Variants in CADPS2 observed in about 807,000 individuals in gnomAD.
CADPS2 encodes calcium-dependent secretion activator 2.
Under a neutral mutation model 172.5 loss-of-function variants are expected in CADPS2, and 93 were observed. The ratio of observed to expected loss-of-function variants is 0.54; its 90% CI spans 0.46 to 0.64. The LOEUF is 0.64. Among genes scored for constraint, CADPS2 ranks in the 30% least tolerant of loss-of-function variants. The probability of loss-of-function intolerance (pLI) is 0.00; values close to 1 mark genes in which losing one functional copy is unlikely to be tolerated. For synonymous variants in CADPS2, 546 were observed against 555.2 expected, an observed-to-expected ratio of 0.98 and a Z score of 0.23; for missense variants, 1,420 against 1,565.9, an observed-to-expected ratio of 0.91 and a Z score of 1.57.
chr7:122,720,629 T>C (rs1489305283), intron 2 of CADPS2, among the ~76,000 whole-genome samples: 1 of 151,728 alleles, frequency 6.6e-6, no homozygotes, highest in Non-Finnish European at 1.5e-5. Context: ...TATATGTACG[T>C]ATGTGTATAC....
intron 1 of CADPS2, among the ~76,000 whole-genome samples, chr7:122,783,072 C>T (rs974997299): frequency 6.6e-6 from 1 of 151,138 alleles, no homozygotes; most frequent in Non-Finnish European, 1.5e-5. Context: ...ATTAGCCGGG[C>T]GTGGTGGTGG....
chr7:122,402,403 C>T (rs993387556), intron 20 of CADPS2, among the ~76,000 whole-genome samples: 1 of 152,152 alleles, frequency 6.6e-6, no homozygotes, highest in Non-Finnish European at 1.5e-5. Context: ...TGCTGTCAAG[C>T]CCCCCGCCCG....
At chr7:122,650,836 A>C (rs1297195833) in intron 3 of CADPS2, among the ~76,000 whole-genome samples, 1 of 152,174 alleles carries the variant, frequency 6.6e-6, no homozygotes, top group African/African-American at 2.4e-5. Context: ...ATTTTAGTAA[A>C]ATTAAATCCA....
At chr7:122,516,416 T>A (rs182205230) in intron 8 of CADPS2, among the ~76,000 whole-genome samples, 2 of 152,214 alleles carry the variant, frequency 1.3e-5, no homozygotes, top group East Asian at 3.9e-4. Context: ...TACACACTTG[T>A]CTTTGCTACT....
intron 2 of CADPS2, among the ~76,000 whole-genome samples, chr7:122,667,483 GATGTA>G (rs1188144910): frequency 3.9e-5 from 6 of 152,124 alleles, no homozygotes; most frequent in East Asian, 1.9e-4. Context: ...AATCCAATTA[GATGTA>G]ATGTAATCAA....
At chr7:122,710,886 A>G (rs2088591900) in intron 2 of CADPS2, among the ~76,000 whole-genome samples, 1 of 152,076 alleles carries the variant, frequency 6.6e-6, no homozygotes, top group East Asian at 1.9e-4. Flanking sequence ...TATCTGATTC[A>G]TTTTTTAAAA....
chr7:122,841,797 G>C (rs117499731), intron 1 of CADPS2, among the ~76,000 whole-genome samples: 1 of 152,110 alleles, frequency 6.6e-6, no homozygotes, highest in Non-Finnish European at 1.5e-5. Flanking sequence ...ATCAGCCTGA[G>C]TCAATACAAT....
chr7:122,703,516 C>T (rs1431255513), intron 2 of CADPS2, among the ~76,000 whole-genome samples: 3 of 152,114 alleles, frequency 2.0e-5, no homozygotes, highest in African/African-American at 2.4e-5. Context: ...TAGCCTAATA[C>T]AGTCCCATCT....
intron 17 of CADPS2, among the ~76,000 whole-genome samples, chr7:122,433,988 T>C (rs1430558285): frequency 6.6e-6 from 1 of 152,132 alleles, no homozygotes; most frequent in East Asian, 1.9e-4. Context: ...AGGTTAAGGA[T>C]CACCTAAGTC....
intron 2 of CADPS2, among the ~76,000 whole-genome samples, chr7:122,726,363 C>T (rs1374674117): frequency 1.3e-5 from 2 of 151,924 alleles, no homozygotes; most frequent in African/African-American, 2.4e-5. Flanking sequence ...CACAGGCTTG[C>T]GTACGTTACT....
intron 14 of CADPS2, among the ~76,000 whole-genome samples, chr7:122,461,588 T>C (rs1173517445): frequency 6.6e-6 from 1 of 152,078 alleles, no homozygotes; most frequent in Non-Finnish European, 1.5e-5. Context: ...AAGAGCCTTT[T>C]TTGTTGTTGT....
chr7:122,445,689 C>T (rs1266676986), intron 15 of CADPS2, among the ~76,000 whole-genome samples: 5 of 152,034 alleles, frequency 3.3e-5, no homozygotes, highest in Admixed American at 1.3e-4. Context: ...GTGGCATGTG[C>T]CTGTGGTCCC....
chr7:122,703,735 G>C (rs913851707), intron 2 of CADPS2, among the ~76,000 whole-genome samples: 33 of 152,176 alleles, frequency 2.2e-4, no homozygotes, highest in African/African-American at 7.5e-4. Flanking sequence ...AAATGTATTG[G>C]AGAGGGAGAA....
chr7:122,861,962 C>T (rs1463627544), intron 1 of CADPS2, among the ~76,000 whole-genome samples: 1 of 152,170 alleles, frequency 6.6e-6, no homozygotes, highest in Non-Finnish European at 1.5e-5. Context: ...CAGCCAATTT[C>T]CCTGTTAAAA....
Position 122,444,108 on chromosome 7 carries a change from A to G in CADPS2, c.2289-2533T>C, listed in dbSNP as rs1228369391. Among the ~76,000 whole-genome samples the G allele has an allele frequency of 2.0e-5, 3 of 152,114 alleles. No homozygotes were observed. The East Asian group carries it at 5.8e-4, about 29-fold the overall frequency. ...GTGGGTCTGATTTCTTTCACTTAGC[A>G]TAGTTATCTTGATATTCATTCATGC... On this transcript the variant is annotated intron_variant, in intron 15 of 29. Transcript: ENST00000449022.
chr7:122,755,493 G>A (rs1159561847), intron 1 of CADPS2, among the ~76,000 whole-genome samples: 1 of 152,078 alleles, frequency 6.6e-6, no homozygotes, highest in African/African-American at 2.4e-5. Context: ...TATTGAAAGA[G>A]TATCAGTTGT....
intron 2 of CADPS2, among the ~76,000 whole-genome samples, chr7:122,705,217 G>C (rs2086799948): frequency 6.6e-6 from 1 of 151,566 alleles, no homozygotes; most frequent in South Asian, 2.1e-4. Flanking sequence ...TATTTTATCA[G>C]AATGAGGTCT....
intron 3 of CADPS2, among the ~76,000 whole-genome samples, chr7:122,647,788 GAACA>G (rs1453393602): frequency 2.6e-5 from 4 of 151,982 alleles, no homozygotes; most frequent in East Asian, 1.9e-4. Context: ...GTGCTAATCA[GAACA>G]AATAAACAAT....
chr7:122,812,911 A>C (rs558698782), intron 1 of CADPS2, among the ~76,000 whole-genome samples: 1 of 152,312 alleles, frequency 6.6e-6, no homozygotes, highest in African/African-American at 2.4e-5. Context: ...TGTTTGATGC[A>C]CACTGAAAAC....
Sources: gnomAD v4.1 joint callset for allele counts (sites outside exome capture counted in the v4.1 genomes callset) on GRCh38, gnomAD v4.1.1 for gene constraint, MANE v1.5 for transcripts, NCBI Gene and HGNC (gene_info 2026-07-23, HGNC 2026-07-21) for gene names.